DPP6: variants seen among roughly 807,000 people sequenced by gnomAD.
The protein encoded by DPP6 is A-type potassium channel modulatory protein DPP6.
DPP6 carries 69 observed loss-of-function variants against 122.6 expected under a neutral mutation model. That is an observed-to-expected ratio of 0.56 (90% CI 0.46 to 0.69). The LOEUF is 0.69. DPP6 is among the 30% of genes least tolerant of loss of function. The probability of loss-of-function intolerance (pLI) is 0.00; values close to 1 mark genes in which losing one functional copy is unlikely to be tolerated. For synonymous variants in DPP6, 418 were observed against 433.1 expected (o/e 0.97, Z 0.43); for missense variants, 928 against 1,116.9 (o/e 0.83, Z 2.41).
the DPP6 span, among the ~76,000 whole-genome samples, chr7:153,877,822 T>C: frequency 6.6e-6 from 1 of 152,156 alleles, no homozygotes; most frequent in Non-Finnish European, 1.5e-5. Context: ...AACATCATTT[T>C]AATGGAAACC....
intron 1 of DPP6, among the ~76,000 whole-genome samples, chr7:153,979,971 A>G (rs900002067): frequency 1.3e-5 from 2 of 152,172 alleles, no homozygotes; most frequent in Non-Finnish European, 2.9e-5. Context: ...GGATTTTTGC[A>G]TCAATGTTCA....
intron 7 of DPP6, among the ~76,000 whole-genome samples, chr7:154,694,579 T>C (rs1263386313): frequency 6.6e-6 from 1 of 151,708 alleles, no homozygotes; most frequent in Admixed American, 6.6e-5. Flanking sequence ...GTCACTGCAC[T>C]CCAGCCTGGG....
intron 1 of DPP6, among the ~76,000 whole-genome samples, chr7:154,295,635 C>T (rs1174585484): frequency 3.3e-5 from 5 of 152,142 alleles, no homozygotes; most frequent in Non-Finnish European, 7.4e-5. Context: ...CCTTCACTTC[C>T]TTTTTCCTTA....
At chr7:153,846,703 T>C in the DPP6 span, among the ~76,000 whole-genome samples, 6 of 143,838 alleles carry the variant, frequency 4.2e-5, no homozygotes, top group Non-Finnish European at 9.1e-5. Flanking sequence ...TTTTTTTTTT[T>C]TTTTTTTGAG....
intron 1 of DPP6, among the ~76,000 whole-genome samples, chr7:154,362,401 C>G (rs973074073): frequency 3.9e-5 from 6 of 152,064 alleles, no homozygotes; most frequent in African/African-American, 1.4e-4. Context: ...GCCTCCCTAG[C>G]AATAGAGTTT....
At chr7:154,019,479 C>A (rs1240355789) in intron 1 of DPP6, among the ~76,000 whole-genome samples, 2 of 151,300 alleles carry the variant, frequency 1.3e-5, no homozygotes, top group African/African-American at 4.9e-5. Context: ...CCCTCCCTAT[C>A]TCTCTATCCC....
At position 154,872,687 on chromosome 7, in the gene DPP6, T is replaced by C; in HGVS notation, c.1877T>C (p.Leu626Pro). The change falls in exon 19 of 26, where the codon CTG (leucine) becomes CCG (proline). Residue 626 changes from leucine (L) to proline (P), a missense_variant. Coordinates refer to ENST00000377770, the MANE Select transcript of DPP6 (RefSeq NM_130797.4). ...FTDTTHYPLL[L>P]VVDGTPGSQS... ...GACACCACCCACTACCCTCTGCTCC[T>C]GGTGGTGTAAGTATCGTCACATCTG... 6.3e-7 allele frequency: 1 copy of C among 1,595,978 alleles called. No homozygotes were observed. The highest frequency in any genetic ancestry group is 2.3e-5 in the East Asian group (1 of 44,066).
At chr7:154,138,075 A>T (rs1795668074) in intron 1 of DPP6, among the ~76,000 whole-genome samples, 1 of 152,138 alleles carries the variant, frequency 6.6e-6, no homozygotes, top group Admixed American at 6.5e-5. Flanking sequence ...TTCTGCTCCC[A>T]ATCTGCTTCC....
intron 1 of DPP6, among the ~76,000 whole-genome samples, chr7:154,185,775 C>T (rs968388546): frequency 1.3e-5 from 2 of 151,974 alleles, no homozygotes; most frequent in Non-Finnish European, 2.9e-5. Flanking sequence ...TCTGGAATCC[C>T]CATATCTACT....
At chr7:154,829,530 G>A (rs1160401283) in intron 16 of DPP6, among the ~76,000 whole-genome samples, 1 of 150,742 alleles carries the variant, frequency 6.6e-6, no homozygotes, top group African/African-American at 2.4e-5. Flanking sequence ...AGAGAGGGAG[G>A]AAGGGAAAAA....
At chr7:154,428,991 G>A (rs1818135825) in intron 1 of DPP6, among the ~76,000 whole-genome samples, 1 of 152,048 alleles carries the variant, frequency 6.6e-6, no homozygotes, top group Non-Finnish European at 1.5e-5. Flanking sequence ...TACCTCAAAA[G>A]CTATTAAAAT....
intron 1 of DPP6, among the ~76,000 whole-genome samples, chr7:154,277,580 A>G (rs1348169076): frequency 6.6e-6 from 1 of 152,212 alleles, no homozygotes; most frequent in African/African-American, 2.4e-5. Context: ...CCTGGCCAAC[A>G]TGGTGAAACC....
At chr7:154,524,336 G>T (rs73163075) in intron 3 of DPP6, among the ~76,000 whole-genome samples, 28,066 of 152,196 alleles carry the variant, frequency 0.18, 2,998 homozygotes, top group Non-Finnish European at 0.24. Flanking sequence ...AGCCCCTCCA[G>T]AGGGTTATTC....
At chr7:154,864,432 A>G (rs559385496) in intron 17 of DPP6, among the ~76,000 whole-genome samples, 8 of 152,308 alleles carry the variant, frequency 5.3e-5, no homozygotes, top group African/African-American at 1.9e-4. Flanking sequence ...TCCAGATCTG[A>G]TAATAGCTAA....
chr7:154,377,880 C>G (rs972606246), intron 1 of DPP6, among the ~76,000 whole-genome samples: 8 of 152,172 alleles, frequency 5.3e-5, no homozygotes, highest in African/African-American at 1.9e-4. Context: ...CTAGACCAGG[C>G]TGTGTGAGCC....
intron 1 of DPP6, among the ~76,000 whole-genome samples, chr7:154,085,587 C>A (rs562039539): frequency 2.6e-5 from 4 of 152,000 alleles, no homozygotes; most frequent in Non-Finnish European, 4.4e-5. Context: ...TTGTTTATGT[C>A]GAGTCCCAGA....
chr7:154,389,282 T>C (rs1814401526), intron 1 of DPP6, among the ~76,000 whole-genome samples: 1 of 152,116 alleles, frequency 6.6e-6, no homozygotes, highest in African/African-American at 2.4e-5. Context: ...CCTCACACAA[T>C]GATAAGATAA....
chr7:154,168,082 G>A (rs1434859629), intron 1 of DPP6, among the ~76,000 whole-genome samples: 1 of 152,298 alleles, frequency 6.6e-6, no homozygotes, highest in East Asian at 1.9e-4. Context: ...GGTGGCTGAA[G>A]ATAACACCGG....
At chr7:154,444,708 A>G (rs895033257) in intron 1 of DPP6, among the ~76,000 whole-genome samples, 1 of 152,224 alleles carries the variant, frequency 6.6e-6, no homozygotes, top group Non-Finnish European at 1.5e-5. Flanking sequence ...AGACTTGATG[A>G]AAAGGGCTTA....
Sources: allele counts gnomAD v4.1 joint callset (sites outside exome capture counted in the v4.1 genomes callset), GRCh38; gene constraint gnomAD v4.1.1; transcripts MANE v1.5; gene names NCBI Gene and HGNC (gene_info 2026-07-23, HGNC 2026-07-21).